The following LMBRD1 variants were observed in gnomAD, a reference collection of about 807,000 sequenced individuals.
LMBRD1 encodes lysosomal cobalamin transport escort protein LMBD1.
In LMBRD1, 64 loss-of-function variants were observed where a neutral mutation model predicts 74.8. The ratio of observed to expected loss-of-function variants is 0.86; its 90% CI spans 0.70 to 1.05. The LOEUF (loss-of-function observed/expected upper bound fraction) is 1.05, where lower values mean the gene tolerates loss of function less well. Among genes scored for constraint, LMBRD1 ranks in the 50% least tolerant of loss-of-function variants. The probability of loss-of-function intolerance (pLI) is 0.00; values close to 1 mark genes in which losing one functional copy is unlikely to be tolerated. For missense variants in LMBRD1, 652 were observed against 645.9 expected (o/e 1.01, Z -0.10); for synonymous variants, 204 against 216.3 (o/e 0.94, Z 0.50).
At chr6:69,695,638 GT>G (rs371412594) in intron 14 of LMBRD1, among the ~76,000 whole-genome samples, 3 of 151,606 alleles carry the variant, frequency 2.0e-5, no homozygotes, top group East Asian at 1.9e-4. Context: ...TGCTTTTTGT[GT>G]TTTTTTTAAA....
chr6:69,684,889 A>G lies in LMBRD1; in HGVS notation c.1418-8348T>C, dbSNP rs146486638. Reference sequence around the variant, plus strand: ...AAGCTAGAAAATATTAGGCATACTAACATCTTATGTTACTTTAATAATACT... The same window carrying G: ...AAGCTAGAAAATATTAGGCATACTAGCATCTTATGTTACTTTAATAATACT... On this transcript the variant is annotated intron_variant, in intron 14 of 15. Transcript: ENST00000649934. 4.8e-3 allele frequency among the ~76,000 whole-genome samples: 725 copies of G among 152,300 alleles called. 8 individuals are homozygous for G. Among genetic ancestry groups the G allele is most frequent in the Middle Eastern group, 0.017 (5 of 294 alleles).
chr6:69,748,182 G>C (rs1765038124), intron 5 of LMBRD1, among the ~76,000 whole-genome samples: 1 of 152,144 alleles, frequency 6.6e-6, no homozygotes, highest in African/African-American at 2.4e-5. Context: ...AGCTACAAGA[G>C]AGACACAAAG....
At chr6:69,676,366 G>T in intron 15 of LMBRD1, 84 bp downstream of exon 15, 1 of 1,568,744 alleles carries the variant, frequency 6.4e-7, no homozygotes, top group Non-Finnish European at 8.7e-7. Context: ...TGATACAAAT[G>T]GCCTAGTAAG....
At chr6:69,695,267 T>C (rs1220326287) in intron 14 of LMBRD1, among the ~76,000 whole-genome samples, 1 of 152,156 alleles carries the variant, frequency 6.6e-6, no homozygotes, top group African/African-American at 2.4e-5. Flanking sequence ...AAAAAAGTTC[T>C]TGACTCCGCA....
intron 9 of LMBRD1, among the ~76,000 whole-genome samples, chr6:69,713,272 T>C (rs551969625): frequency 7.2e-5 from 11 of 151,832 alleles, no homozygotes; most frequent in Non-Finnish European, 1.3e-4. Flanking sequence ...AAAAACCAAA[T>C]CAAAATAGAC....
At chr6:69,752,056 G>A (rs899340998) in intron 4 of LMBRD1, among the ~76,000 whole-genome samples, 5 of 152,034 alleles carry the variant, frequency 3.3e-5, no homozygotes, top group Non-Finnish European at 5.9e-5. Context: ...GACTATATTT[G>A]AAATAATATT....
chr6:69,701,241 TATG>T (rs1229399437), intron 11 of LMBRD1, among the ~76,000 whole-genome samples, 199 bp downstream of exon 11: 2 of 151,930 alleles, frequency 1.3e-5, no homozygotes, highest in South Asian at 2.1e-4. Context: ...AATATATCAA[TATG>T]ATATTTAAAG....
intron 9 of LMBRD1, among the ~76,000 whole-genome samples, chr6:69,707,857 T>C (rs567899267): frequency 6.6e-6 from 1 of 152,272 alleles, no homozygotes; most frequent in African/African-American, 2.4e-5. Flanking sequence ...ATACATTGTT[T>C]CCATTTGAAA....
At chr6:69,744,764 T>C (rs1204363873) in intron 5 of LMBRD1, among the ~76,000 whole-genome samples, 3 of 152,132 alleles carry the variant, frequency 2.0e-5, no homozygotes, top group Non-Finnish European at 4.4e-5. Flanking sequence ...ACTTAACTGA[T>C]CTTCCTACCT....
chr6:69,760,385 T>C (rs1371016405), intron 3 of LMBRD1, among the ~76,000 whole-genome samples: 1 of 152,092 alleles, frequency 6.6e-6, no homozygotes, highest in Non-Finnish European at 1.5e-5. Context: ...ATGATAAAAC[T>C]GAAAGGCAAA....
chr6:69,729,328 T>G (rs1396179021), intron 7 of LMBRD1, among the ~76,000 whole-genome samples: 1 of 151,296 alleles, frequency 6.6e-6, no homozygotes, highest in African/African-American at 2.4e-5. Flanking sequence ...TGCTTATAAC[T>G]CAATTATAAC....
At chr6:69,700,942 A>C (rs1252393571) in intron 11 of LMBRD1, 73 bp from the exon 12 acceptor site, 1 of 997,592 alleles carries the variant, frequency 1.0e-6, no homozygotes, top group Non-Finnish European at 1.4e-6. Context: ...AAATAAGCTA[A>C]AAACTTCATT....
intron 3 of LMBRD1, among the ~76,000 whole-genome samples, chr6:69,768,332 T>C (rs1198753042): frequency 6.6e-6 from 1 of 151,942 alleles, no homozygotes; most frequent in Admixed American, 6.6e-5. Context: ...TAGATATTTA[T>C]AGATACATAA....
chr6:69,716,460 G>A (rs575219397), intron 8 of LMBRD1, among the ~76,000 whole-genome samples: 1 of 152,012 alleles, frequency 6.6e-6, no homozygotes, highest in East Asian at 1.9e-4. Flanking sequence ...CATAAAACTG[G>A]TCTTCTCTTT....
At chr6:69,710,919 T>C (rs1018442228) in intron 9 of LMBRD1, among the ~76,000 whole-genome samples, 5 of 152,134 alleles carry the variant, frequency 3.3e-5, no homozygotes, top group African/African-American at 1.2e-4. Context: ...TATAAACATA[T>C]TAAACGTTAG....
intron 14 of LMBRD1, among the ~76,000 whole-genome samples, chr6:69,689,501 A>G (rs1765833688): frequency 6.6e-6 from 1 of 152,124 alleles, no homozygotes; most frequent in Non-Finnish European, 1.5e-5. Context: ...CCTGGTTAGA[A>G]CTGACAAAAT....
chr6:69,781,331 T>C (rs1765832131), intron 2 of LMBRD1, among the ~76,000 whole-genome samples: 6 of 152,248 alleles, frequency 3.9e-5, no homozygotes, highest in Admixed American at 3.9e-4. Flanking sequence ...ATTCTGTGCA[T>C]GTGAAAAATT....
intron 12 of LMBRD1, among the ~76,000 whole-genome samples, chr6:69,700,442 GTAA>G (rs1460062879): frequency 2.0e-5 from 3 of 151,690 alleles, no homozygotes; most frequent in Admixed American, 6.6e-5. Context: ...TTTAGGCTAG[GTAA>G]GTCTGCCCTA....
intron 14 of LMBRD1, among the ~76,000 whole-genome samples, chr6:69,679,222 GT>G (rs1240037384): frequency 2.0e-5 from 3 of 152,052 alleles, no homozygotes; most frequent in African/African-American, 7.2e-5. Context: ...AATATTCACA[GT>G]TTTCTAAGAA....
Sources: allele counts gnomAD v4.1 joint callset (sites outside exome capture counted in the v4.1 genomes callset), GRCh38; gene constraint gnomAD v4.1.1; transcripts MANE v1.5; gene names NCBI Gene and HGNC (gene_info 2026-07-23, HGNC 2026-07-21).